HSPG2: variants seen among roughly 807,000 people sequenced by gnomAD.
HSPG2 encodes the protein heparan sulfate proteoglycan 2.
In HSPG2, 278 loss-of-function variants were observed where a neutral mutation model predicts 526.6. The ratio of observed to expected loss-of-function variants is 0.53; its 90% CI spans 0.48 to 0.58. The LOEUF (loss-of-function observed/expected upper bound fraction) is 0.58, where lower values mean the gene tolerates loss of function less well. HSPG2 is among the 20% of genes least tolerant of loss of function. HSPG2 has a pLI of 0.00. For synonymous variants in HSPG2, 2,465 were observed against 2,555.4 expected (o/e 0.96, Z 1.07); for missense variants, 5,354 against 6,099.5 (o/e 0.88, Z 4.07).
At position 21,829,520 on chromosome 1, in the gene HSPG2, C is replaced by T. The variant is rs769541964; in HGVS notation, c.11855G>A (p.Arg3952His). 1.6e-5 allele frequency: 26 copies of T among 1,613,002 alleles called. No homozygotes were observed. The highest frequency in any genetic ancestry group is 3.3e-4 in the Middle Eastern group (2 of 6,064). ...GAGTGGCTTGAACTCCACGTCCAGG[C>T]GTAGCTCGTGGTGTGTGTTGGTGAG... ...PALTNTHHEL[R>H]LDVEFKPLAP... Residue 3952 changes from arginine to histidine, a missense_variant, in exon 87 of 97, where the codon CGC becomes CAC. By Grantham distance (29) the Arg-to-His change is conservative. Coordinates refer to ENST00000374695, the MANE Select transcript of HSPG2 (RefSeq NM_005529.7).
chr1:21,889,840 G>A (rs756650099), intron 6 of HSPG2, 141 bp downstream of exon 6: 7 of 862,774 alleles, frequency 8.1e-6, no homozygotes, highest in African/African-American at 5.0e-5. Context: ...ATTGTGTAAA[G>A]ATCGATGGGG....
chr1:21,921,146 C>T (rs376906544), intron 1 of HSPG2, among the ~76,000 whole-genome samples: 1 of 152,224 alleles, frequency 6.6e-6, no homozygotes, highest in African/African-American at 2.4e-5. Flanking sequence ...GATTAGCATT[C>T]TCTTCTTTCA....
At position 21,846,061 on chromosome 1, in the gene HSPG2, C is replaced by T. The variant is rs763726832; in HGVS notation, c.8464+47G>A. The T allele has an allele frequency of 3.1e-6, 5 of 1,606,532 alleles. No homozygotes were observed. In the East Asian group the frequency reaches 1.1e-4, roughly 36 times the overall value. Reference sequence around the variant, plus strand: ...CCAGTTCTGCCCCCTGGTCTCTGTCCCTTCCTCCCTCCCCCGGCCTTCCCG... The same window carrying T: ...CCAGTTCTGCCCCCTGGTCTCTGTCTCTTCCTCCCTCCCCCGGCCTTCCCG... On this transcript the variant is annotated intron_variant, in intron 64 of 96. Transcript: ENST00000374695.
Position 21,890,532 on chromosome 1 carries a change from C to A in HSPG2, c.355-47G>T, listed in dbSNP as rs1642281292. 1 of 1,611,218 alleles carries A rather than the reference C, an allele frequency of 6.2e-7. No homozygotes were observed. Among genetic ancestry groups the A allele is most frequent in the Non-Finnish European group, 8.5e-7 (1 of 1,177,510 alleles). ...TCAGCCCCAGAGGCCTTCACCCCAT[C>A]CTCGGTCCTGCCCCGCCACACCCGC... On this transcript the variant is annotated intron_variant, in intron 4 of 96. Coordinates refer to ENST00000374695, the MANE Select transcript of HSPG2 (RefSeq NM_005529.7). This position sits in a 1 kb window ranked among gnomAD's most constrained non-coding sequence, Gnocchi z 4.1.
chr1:21,915,181 G>A (rs967871991), intron 1 of HSPG2, among the ~76,000 whole-genome samples: 1 of 121,056 alleles, frequency 8.3e-6, no homozygotes, highest in Admixed American at 9.1e-5. Flanking sequence ...TGATACGGGC[G>A]CGTTAGAGCG....
chr1:21,839,897 G>T lies in HSPG2; in HGVS notation c.9634C>A (p.Pro3212Thr), dbSNP rs1488793103. The change falls in exon 72 of 97, where the codon CCT becomes ACT. Residue 3212 changes from proline (P) to threonine (T), a missense_variant. Coordinates refer to ENST00000374695, the MANE Select transcript of HSPG2 (RefSeq NM_005529.7). The surrounding 1 kb of genome is among the most constrained non-coding windows in gnomAD (Gnocchi z 4.5). ...TCAGCTTCTTCAGCTTGGACCTGAG[G>T]GGCCCCTGGGGCCATGGCGCCCGTG... ...VDTGAMAPGA[P>T]QVQAEEAELT... The T allele has an allele frequency of 1.2e-6, 2 of 1,614,000 alleles. No individual in the cohort carries two copies. Among genetic ancestry groups the T allele is most frequent in the Non-Finnish European group, 1.7e-6 (2 of 1,180,018 alleles).
At position 21,858,925 on chromosome 1, in the gene HSPG2, G is replaced by A. The variant is rs952948901; in HGVS notation, c.5293+641C>T. On this transcript the variant is annotated intron_variant, in intron 42 of 96. Transcript: ENST00000374695. This position sits in a 1 kb window ranked among gnomAD's most constrained non-coding sequence, Gnocchi z 4.2. ...ACCGGCTCCCTTTAAAAGCTTCCTC[G>A]GTTGTACTAAGCAACAACTGCTCAC... is the stretch of plus-strand genomic sequence containing the variant. Among the ~76,000 whole-genome samples the A allele has an allele frequency of 3.9e-5, 6 of 151,992 alleles. No individual in the cohort carries two copies. The highest frequency in any genetic ancestry group is 6.5e-5 in the Admixed American group (1 of 15,278).
In HSPG2 at chr1:21,880,388, G is replaced by A. The variant is rs753856786; in HGVS notation, c.2170C>T (p.Arg724Cys). The A allele has an allele frequency of 1.2e-6, 2 of 1,614,100 alleles. No individual in the cohort carries two copies. The highest frequency in any genetic ancestry group is 1.7e-6 in the Non-Finnish European group (2 of 1,180,028). The change falls in exon 16 of 97, where the codon CGT becomes TGT. Residue 724 changes from arginine to cysteine, a missense_variant. Arg to Cys is a radical substitution (Grantham distance 180). Coordinates refer to ENST00000374695, the MANE Select transcript of HSPG2 (RefSeq NM_005529.7). ...CTGCACTCCTCCACACTGTGGGCAC[G>A]GCCATGGCTGGTGGCATGGGTGACG... is the stretch of plus-strand genomic sequence containing the variant. ...TTVTHATSHG[R>C]AHSVEECRCP... is the part of the protein sequence containing the mutation.
chr1:21,854,913 T>C lies in HSPG2; in HGVS notation c.6068A>G (p.Tyr2023Cys). 6.2e-7 allele frequency: 1 copy of C among 1,613,888 alleles called. No individual in the cohort carries two copies. The highest frequency in any genetic ancestry group is 8.5e-7 in the Non-Finnish European group (1 of 1,179,974). ...TGCAGGGCTGGTGGCCACGCAGAGG[T>C]AGAAGCCGGCGTCAGCAGTCGTGAT... ...PAITTADAGF[Y>C]LCVATSPAGT... Residue 2023 changes from tyrosine (Y) to cysteine (C), a missense_variant, in exon 48 of 97, where the codon TAC becomes TGC. Coordinates refer to ENST00000374695, the MANE Select transcript of HSPG2 (RefSeq NM_005529.7).
chr1:21,871,151 C>T (rs1640615118), intron 33 of HSPG2, among the ~76,000 whole-genome samples: 1 of 152,126 alleles, frequency 6.6e-6, no homozygotes, highest in South Asian at 2.1e-4. Flanking sequence ...GAGCCCCTGC[C>T]CCCCACAACA....
rs114534322 is a variant in HSPG2, at chr1:21,917,955, T to C, written c.63+19200A>G. On this transcript the variant is annotated intron_variant, in intron 1 of 96. Coordinates refer to ENST00000374695, the MANE Select transcript of HSPG2 (RefSeq NM_005529.7). Reference sequence around the variant, plus strand: ...ACAGACACCAAGTTTTTTTTTTTCATCTTTTAAACATATGTATATATTCAA... The same window carrying C: ...ACAGACACCAAGTTTTTTTTTTTCACCTTTTAAACATATGTATATATTCAA... Among the ~76,000 whole-genome samples the C allele has an allele frequency of 6.6e-3, 1,000 of 152,208 alleles. 9 individuals are homozygous for C. The highest frequency in any genetic ancestry group is 0.023 in the African/African-American group (953 of 41,522).
intron 55 of HSPG2, 86 bp downstream of exon 55, chr1:21,851,459 AG>A: frequency 6.3e-7 from 1 of 1,579,908 alleles, no homozygotes; most frequent in African/African-American, 1.3e-5. Flanking sequence ...TCCTGATCTC[AG>A]GGGAGCCTCT....
intron 9 of HSPG2, among the ~76,000 whole-genome samples, chr1:21,886,751 T>C (rs1641924030): frequency 6.6e-6 from 1 of 151,896 alleles, no homozygotes; most frequent in Non-Finnish European, 1.5e-5. Context: ...GGATGGATAA[T>C]GGGTGTATAG....
Position 21,879,114 on chromosome 1 carries a change from T to G in HSPG2, c.2351A>C (p.Gln784Pro), listed in dbSNP as rs528536859. The G allele has an allele frequency of 6.2e-7, 1 of 1,614,204 alleles. No homozygotes were observed. The highest frequency in any genetic ancestry group is 1.1e-5 in the South Asian group (1 of 91,078). ...DPVYGHCLNC[Q>P]HNTEGPQCNK... is the part of the protein sequence containing the mutation. The stretch of plus-strand genomic sequence containing the variant: ...GCACTGTGGCCCCTCCGTGTTGTGC[T>G]GGCAATTCTAGAAGAAGGAGGAGGG... Residue 784 changes from glutamine to proline, a missense_variant, in exon 18 of 97, where the codon CAG (glutamine) becomes CCG (proline). Transcript: ENST00000374695.
intron 14 of HSPG2, among the ~76,000 whole-genome samples, chr1:21,881,130 C>T (rs963262664): frequency 1.1e-4 from 16 of 152,148 alleles, no homozygotes; most frequent in South Asian, 2.1e-4. Flanking sequence ...GGAGGGCTCC[C>T]GGGAGGAGGG....
At chr1:21,878,389 G>A (rs1479357172) in intron 20 of HSPG2, 44 bp downstream of exon 20, 2 of 1,587,310 alleles carry the variant, frequency 1.3e-6, no homozygotes, top group Non-Finnish European at 1.7e-6. Context: ...AGCCCAGGTT[G>A]GGTTGGGAGG....
At position 21,857,199 on chromosome 1, in the gene HSPG2, C is replaced by T. The variant is rs1639408082; in HGVS notation, c.5395-4G>A. ...ACACCAGGGTATAGGCTGGGGACTG[C>T]AGGGCAAGGCGAAAGGGGGTCATGG... is the stretch of plus-strand genomic sequence containing the variant. On this transcript the variant is annotated splice_region_variant and splice_polypyrimidine_tract_variant and intron_variant, in intron 43 of 96. Coordinates refer to ENST00000374695, the MANE Select transcript of HSPG2 (RefSeq NM_005529.7). 8.1e-6 allele frequency: 13 copies of T among 1,614,062 alleles called. No homozygotes were observed. Among genetic ancestry groups the T allele is most frequent in the Non-Finnish European group, 1.0e-5 (12 of 1,180,002 alleles).
chr1:21,909,430 A>G (rs1043689810), intron 1 of HSPG2, among the ~76,000 whole-genome samples: 4 of 152,188 alleles, frequency 2.6e-5, no homozygotes, highest in South Asian at 4.1e-4. Flanking sequence ...CCAGCAGCCA[A>G]TGGGAAGAAG....
Position 21,824,461 on chromosome 1 carries a change from C to A in HSPG2, c.12744+76G>T. The stretch of plus-strand genomic sequence containing the variant: ...CCAGGGGGCTCTGCTTTCCCCTCCC[C>A]CCACCACTCCGGCCACCAGGAAGCC... On this transcript the variant is annotated intron_variant, in intron 93 of 96. Transcript: ENST00000374695. This position sits in a 1 kb window ranked among gnomAD's most constrained non-coding sequence, Gnocchi z 5.9. 1 of 1,603,012 alleles carries A rather than the reference C, an allele frequency of 6.2e-7. No individual in the cohort carries two copies. The highest frequency in any genetic ancestry group is 8.5e-7 in the Non-Finnish European group (1 of 1,172,498).
Sources: allele counts gnomAD v4.1 joint callset (sites outside exome capture counted in the v4.1 genomes callset), GRCh38; gene constraint gnomAD v4.1.1; non-coding constraint Gnocchi (gnomAD v3.1); transcripts MANE v1.5; gene names NCBI Gene and HGNC (gene_info 2026-07-23, HGNC 2026-07-21).